The following EYS variants were observed in gnomAD, a reference collection of about 807,000 sequenced individuals.
The protein encoded by EYS is protein eyes shut homolog.
Under a neutral mutation model 282.1 loss-of-function variants are expected in EYS, and 250 were observed. The ratio of observed to expected loss-of-function variants is 0.89; its 90% CI spans 0.80 to 0.98. EYS has a LOEUF of 0.98. EYS is among the 50% of genes least tolerant of loss of function. The pLI is 0.00. For missense variants in EYS, 4,016 were observed against 3,709.0 expected (o/e 1.08, Z -2.15); for synonymous variants, 1,355 against 1,282.9 (o/e 1.06, Z -1.20).
chr6:65,123,799 C>G (rs2350523), intron 12 of EYS, among the ~76,000 whole-genome samples: 53,587 of 151,356 alleles, frequency 0.35, 11,208 homozygotes, highest in African/African-American at 0.59. Flanking sequence ...AGTTTAGTCT[C>G]CCAAAGAGAA....
chr6:63,889,310 A>C (rs1414784103), intron 35 of EYS, among the ~76,000 whole-genome samples: 2 of 152,206 alleles, frequency 1.3e-5, no homozygotes, highest in African/African-American at 4.8e-5. Context: ...AGCAACCCCA[A>C]GACACATAAT....
chr6:64,291,267 T>C (rs944055399), intron 30 of EYS, among the ~76,000 whole-genome samples: 1 of 152,024 alleles, frequency 6.6e-6, no homozygotes, highest in African/African-American at 2.4e-5. Flanking sequence ...ATCATGAACA[T>C]TATCATGAAT....
chr6:63,910,775 C>A (rs1773892966), intron 35 of EYS, among the ~76,000 whole-genome samples: 1 of 151,850 alleles, frequency 6.6e-6, no homozygotes, highest in African/African-American at 2.4e-5. Flanking sequence ...TCCTCTAAAA[C>A]AAGAAAATGA....
chr6:63,731,633 AT>A (rs904025289), intron 41 of EYS, among the ~76,000 whole-genome samples: 1 of 152,046 alleles, frequency 6.6e-6, no homozygotes, highest in Non-Finnish European at 1.5e-5. Flanking sequence ...TGCATTCTAT[AT>A]TTTTTTACCA....
intron 35 of EYS, among the ~76,000 whole-genome samples, chr6:63,976,648 A>C (rs1347269950): frequency 6.6e-6 from 1 of 152,074 alleles, no homozygotes; most frequent in Non-Finnish European, 1.5e-5. Context: ...TTTTGAACCA[A>C]CTTTACCTTC....
At chr6:65,702,058 C>T (rs897724203) in intron 1 of EYS, among the ~76,000 whole-genome samples, 14 of 152,164 alleles carry the variant, frequency 9.2e-5, no homozygotes, top group African/African-American at 3.4e-4. Flanking sequence ...CTTAACAAAT[C>T]GTCACCACCA....
intron 29 of EYS, among the ~76,000 whole-genome samples, chr6:64,355,483 G>T (rs1405391193): frequency 6.6e-6 from 1 of 151,596 alleles, no homozygotes; most frequent in Non-Finnish European, 1.5e-5. Context: ...GAATCATTGT[G>T]TGGGTATTTG....
intron 5 of EYS, among the ~76,000 whole-genome samples, chr6:65,432,640 T>A (rs1682822597): frequency 6.6e-6 from 1 of 151,880 alleles, no homozygotes; most frequent in South Asian, 2.1e-4. Flanking sequence ...GGTCAGACAA[T>A]TTAGGTCCTT....
chr6:65,249,393 A>T (rs1036670081), intron 12 of EYS, among the ~76,000 whole-genome samples: 2 of 152,024 alleles, frequency 1.3e-5, no homozygotes, highest in Admixed American at 1.3e-4. Context: ...AATGAAGAGA[A>T]CCAAAATTTT....
intron 12 of EYS, among the ~76,000 whole-genome samples, chr6:65,083,281 C>T (rs1774275928): frequency 1.3e-5 from 2 of 151,950 alleles, no homozygotes; most frequent in Admixed American, 6.6e-5. Flanking sequence ...TTTACTACTT[C>T]ATAAAGGTAA....
intron 22 of EYS, among the ~76,000 whole-genome samples, chr6:64,803,197 A>T (rs759648244): frequency 1.1e-4 from 16 of 152,172 alleles, no homozygotes; most frequent in Non-Finnish European, 1.9e-4. Flanking sequence ...ATCCCAGGAG[A>T]CCCAGAGTGG....
chr6:65,603,743 G>A lies in EYS; in HGVS notation c.-333+36035C>T, dbSNP rs77797436. Among the ~76,000 whole-genome samples the A allele has an allele frequency of 6.2e-4, 93 of 150,714 alleles. 1 individual carries two copies. The highest frequency in any genetic ancestry group is 2.0e-3 in the African/African-American group (82 of 40,894). On this transcript the variant is annotated intron_variant, in intron 2 of 42. Coordinates refer to ENST00000503581, the MANE Select transcript of EYS (RefSeq NM_001142800.2). The stretch of plus-strand genomic sequence containing the variant: ...TTTAAATAAGACAAAAACATTTTAG[G>A]TTTCTATTCCTTTTTTTCCCTCAGT...
chr6:63,786,765 A>T (rs1362935284), intron 39 of EYS, among the ~76,000 whole-genome samples: 2 of 152,054 alleles, frequency 1.3e-5, no homozygotes, highest in African/African-American at 2.4e-5. Context: ...TTAAAATGCA[A>T]ATTTTTAGAT....
intron 30 of EYS, among the ~76,000 whole-genome samples, chr6:64,239,968 A>T (rs186340757): frequency 6.6e-6 from 1 of 152,218 alleles, no homozygotes; most frequent in South Asian, 2.1e-4. Context: ...AGCTTTTTGC[A>T]TATGGCTAGC....
chr6:65,201,219 G>A (rs1288154213), intron 12 of EYS, among the ~76,000 whole-genome samples: 1 of 151,134 alleles, frequency 6.6e-6, no homozygotes, highest in Non-Finnish European at 1.5e-5. Context: ...GGGAAACACT[G>A]CTGGCTGCAG....
chr6:64,205,897 T>C (rs765038910), intron 31 of EYS, among the ~76,000 whole-genome samples: 3 of 151,618 alleles, frequency 2.0e-5, no homozygotes, highest in Non-Finnish European at 4.4e-5. Flanking sequence ...TGTTAGTCAA[T>C]ACAGACCTGC....
rs137856922 is a variant in EYS, at chr6:65,032,769, T to C, written c.2137+24845A>G. On this transcript the variant is annotated intron_variant, in intron 13 of 42. Transcript: ENST00000503581. Reference sequence around the variant, plus strand: ...AACATTGGTACTGAAGAGTAGAATATTGCTATAAAAATACTTGCAGATGTG... The same window carrying C: ...AACATTGGTACTGAAGAGTAGAATACTGCTATAAAAATACTTGCAGATGTG... Among the ~76,000 whole-genome samples the C allele has an allele frequency of 6.6e-5, 10 of 152,238 alleles. 1 individual carries two copies. The highest frequency in any genetic ancestry group is 2.4e-4 in the African/African-American group (10 of 41,546).
chr6:64,184,680 G>C (rs1313678132), intron 31 of EYS, among the ~76,000 whole-genome samples: 1 of 152,012 alleles, frequency 6.6e-6, no homozygotes, highest in Non-Finnish European at 1.5e-5. Context: ...TCATTTCTAG[G>C]AAATAGAAAA....
At chr6:65,329,769 A>G (rs1769729100) in intron 11 of EYS, 1 of 980,456 alleles carries the variant, frequency 1.0e-6, no homozygotes, top group Admixed American at 6.2e-5. Flanking sequence ...GAAATAATTT[A>G]AGAAAATCCT....
Sources: gnomAD v4.1 joint callset for allele counts (sites outside exome capture counted in the v4.1 genomes callset) on GRCh38, gnomAD v4.1.1 for gene constraint, MANE v1.5 for transcripts, NCBI Gene and HGNC (gene_info 2026-07-23, HGNC 2026-07-21) for gene names.